Variants in TRIM2 observed in about 807,000 individuals in gnomAD.
TRIM2 encodes the protein tripartite motif-containing protein 2.
Under a neutral mutation model 75.2 loss-of-function variants are expected in TRIM2, and 20 were observed. The observed-to-expected ratio is 0.27, with a 90% CI of 0.19 to 0.39. TRIM2 has a LOEUF of 0.39. Among genes scored for constraint, TRIM2 ranks in the 10% least tolerant of loss-of-function variants. TRIM2 has a pLI of 1.00. For missense variants in TRIM2, 660 were observed against 990.8 expected, an observed-to-expected ratio of 0.67 and a Z score of 4.48; for synonymous variants, 373 against 388.3, an observed-to-expected ratio of 0.96 and a Z score of 0.46.
At chr4:153,214,201 A>G (rs1737853569) in intron 1 of TRIM2, among the ~76,000 whole-genome samples, 1 of 152,228 alleles carries the variant, frequency 6.6e-6, no homozygotes, top group Non-Finnish European at 1.5e-5. Flanking sequence ...CTGATTGATC[A>G]TGCTCATTTG....
At chr4:153,318,435 C>T (rs1333794755) in intron 8 of TRIM2, among the ~76,000 whole-genome samples, 2 of 152,164 alleles carry the variant, frequency 1.3e-5, no homozygotes, top group African/African-American at 2.4e-5. Context: ...ATTCTTCAAT[C>T]ACCCTTGAAT....
chr4:153,204,462 T>C lies in TRIM2; in HGVS notation c.-69T>C. On this transcript the variant is annotated 5_prime_UTR_variant, in exon 1 of 12. The change abolishes an upstream ATG in the 5' untranslated region. Coordinates refer to ENST00000338700, the MANE Select transcript of TRIM2 (RefSeq NM_015271.5). ...TAACTCGGCAGCTTGATGACTATAA[T>C]GGGCCCAGTTGTCTGCGGGCTGCGG... 1 of 1,534,826 alleles carries C rather than the reference T, an allele frequency of 6.5e-7. No homozygotes were observed. The highest frequency in any genetic ancestry group is 1.4e-5 in the African/African-American group (1 of 72,814).
intron 6 of TRIM2, among the ~76,000 whole-genome samples, chr4:153,306,095 T>C (rs10021830): frequency 0.63 from 95,647 of 150,958 alleles, 31,531 homozygotes; most frequent in African/African-American, 0.82. Context: ...TGCCATTGCA[T>C]TCCAGCCTGG....
At chr4:153,249,952 C>T (rs1294554308) in intron 1 of TRIM2, among the ~76,000 whole-genome samples, 6 of 152,112 alleles carry the variant, frequency 3.9e-5, no homozygotes, top group African/African-American at 1.2e-4. Flanking sequence ...TTTGAATTCT[C>T]GAGGCCAAGC....
chr4:153,288,262 C>T (rs138898093), intron 3 of TRIM2, among the ~76,000 whole-genome samples: 1,895 of 151,878 alleles, frequency 0.012, 28 homozygotes, highest in African/African-American at 0.044. Context: ...CATGGTGAAA[C>T]CTTGTCTCTA....
chr4:153,186,132 C>G lies in TRIM2; in HGVS notation c.-49+32862C>G, dbSNP rs146571601. On this transcript the variant is annotated intron_variant, in intron 1 of 11. Transcript: ENST00000437508. ...CACATCCTGCAATGCACAGCACAGA[C>G]CCCCACCACAAAGAATCATCTGTCC... Among the ~76,000 whole-genome samples, 577 of 152,238 alleles carry G rather than the reference C, an allele frequency of 3.8e-3. 6 individuals carry two copies. Among genetic ancestry groups the G allele is most frequent in the African/African-American group, 0.011 (469 of 41,542 alleles).
chr4:153,262,953 T>G (rs1019541360), intron 1 of TRIM2, among the ~76,000 whole-genome samples: 1 of 152,212 alleles, frequency 6.6e-6, no homozygotes, highest in African/African-American at 2.4e-5. Flanking sequence ...TAGTTCTGTT[T>G]CTTTTTCTGC....
At chr4:153,152,830 C>T (rs1367509309), upstream of TRIM2, among the ~76,000 whole-genome samples, 1 of 152,170 alleles carries the variant, frequency 6.6e-6, no homozygotes, top group Non-Finnish European at 1.5e-5. Flanking sequence ...AGGCGCCTGC[C>T]TCTTGTTTTG....
At position 153,295,685 on chromosome 4, in the gene TRIM2, A is replaced by C. The variant is rs1762624252; in HGVS notation, c.1159A>C (p.Thr387Pro). Residue 387 changes from threonine (T) to proline (P), a missense_variant, in exon 6 of 12, where the codon ACC becomes CCC. By Grantham distance (38) the Thr-to-Pro change is conservative (BLOSUM62 -1). Transcript: ENST00000338700. This position sits in a 1 kb window ranked among gnomAD's most constrained non-coding sequence, Gnocchi z 7.2. Reference sequence around the variant, plus strand: ...GGACAAAGACGGTGAGCTGTGCAAAACCGGCAACGCCTACCTCACCGCCGA... The same window carrying C: ...GGACAAAGACGGTGAGCTGTGCAAACCCGGCAACGCCTACCTCACCGCCGA... ...TKDKDGELCK[T>P]GNAYLTAELS... 1 of 1,613,618 alleles carries C rather than the reference A, an allele frequency of 6.2e-7. No individual in the cohort carries two copies. The highest frequency in any genetic ancestry group is 1.7e-5 in the Admixed American group (1 of 59,964).
intron 7 of TRIM2, 65 bp from the exon 8 acceptor site, chr4:153,315,767 G>T: frequency 1.3e-6 from 2 of 1,581,790 alleles, no homozygotes; most frequent in Non-Finnish European, 1.7e-6. Context: ...AGATGTTTCT[G>T]CCTATGCCTT....
chr4:153,300,848 C>A (rs1763744610), intron 6 of TRIM2, among the ~76,000 whole-genome samples: 1 of 151,236 alleles, frequency 6.6e-6, no homozygotes. Context: ...TGATAAATGT[C>A]TATTCAGGTT....
intron 1 of TRIM2, among the ~76,000 whole-genome samples, chr4:153,244,158 T>TC (rs1747547240): frequency 7.0e-6 from 1 of 142,776 alleles, no homozygotes; most frequent in African/African-American, 2.8e-5. Flanking sequence ...TTCTTGTTCT[T>TC]CTTCTTCTTC....
At chr4:153,262,108 T>C (rs1753726959) in intron 1 of TRIM2, among the ~76,000 whole-genome samples, 1 of 152,224 alleles carries the variant, frequency 6.6e-6, no homozygotes, top group Non-Finnish European at 1.5e-5. Flanking sequence ...TTTATTTTCA[T>C]GCATATGTGT....
At chr4:153,269,212 T>G (rs6823409) in intron 1 of TRIM2, among the ~76,000 whole-genome samples, 3,821 of 152,234 alleles carry the variant, frequency 0.025, 95 homozygotes, top group African/African-American at 0.068. Context: ...AACCTCCTCT[T>G]TGGGTTTTAT....
At chr4:153,204,650 A>G (rs572911179) in intron 1 of TRIM2, 90 bp downstream of exon 1, 316 of 1,497,890 alleles carry the variant, frequency 2.1e-4, no homozygotes, top group Non-Finnish European at 2.6e-4. Context: ...TTGGGTTGCT[A>G]CTTTTTCCTG....
intron 6 of TRIM2, chr4:153,309,591 A>G (rs1391732585): frequency 2.0e-5 from 3 of 151,000 alleles, no homozygotes; most frequent in Non-Finnish European, 4.4e-5. Context: ...ATCTTGTTGC[A>G]TGATTCCATT....
intron 3 of TRIM2, 26 bp downstream of exon 3, chr4:153,276,156 G>T: frequency 1.9e-6 from 3 of 1,593,456 alleles, no homozygotes; most frequent in Non-Finnish European, 2.6e-6. Flanking sequence ...GGCAGATACT[G>T]CCCGGGAGCA....
chr4:153,152,408 GTATATATATA>G (rs562242204), upstream of TRIM2: 2 of 50,568 alleles, frequency 4.0e-5, no homozygotes, highest in African/African-American at 7.3e-5. Context: ...ATATATGTGT[GTATATATATA>G]TATATATATA....
intron 1 of TRIM2, among the ~76,000 whole-genome samples, chr4:153,215,182 T>A (rs908670097): frequency 6.6e-6 from 1 of 152,190 alleles, no homozygotes; most frequent in Non-Finnish European, 1.5e-5. Flanking sequence ...ACCTGGCATA[T>A]GCCTGGCTAA....
Sources: allele counts gnomAD v4.1 joint callset (sites outside exome capture counted in the v4.1 genomes callset), GRCh38; gene constraint gnomAD v4.1.1; non-coding constraint Gnocchi (gnomAD v3.1); transcripts MANE v1.5; gene names NCBI Gene and HGNC (gene_info 2026-07-23, HGNC 2026-07-21).